The following NOX4 variants were observed in gnomAD, a reference collection of about 807,000 sequenced individuals.
NOX4 encodes NADPH oxidase 4, also known as kidney oxidase-1.
Under a neutral mutation model 87.6 loss-of-function variants are expected in NOX4, and 69 were observed. That is an observed-to-expected ratio of 0.79 (90% CI 0.65 to 0.96). The LOEUF (loss-of-function observed/expected upper bound fraction) is 0.96, where lower values mean the gene tolerates loss of function less well. NOX4 is among the 40% of genes least tolerant of loss of function. The pLI is 0.00. For missense variants in NOX4, 680 were observed against 681.5 expected, an observed-to-expected ratio of 1.00 and a Z score of 0.02; for synonymous variants, 275 against 238.2, an observed-to-expected ratio of 1.15 and a Z score of -1.42.
the NOX4 span, among the ~76,000 whole-genome samples, chr11:89,560,537 C>A: frequency 6.6e-6 from 1 of 152,074 alleles, no homozygotes; most frequent in East Asian, 1.9e-4. Flanking sequence ...TGAGGTATGT[C>A]TGTGAGGGTG....
chr11:89,429,607 T>C (rs1049803801), intron 7 of NOX4, among the ~76,000 whole-genome samples: 6 of 152,148 alleles, frequency 3.9e-5, no homozygotes, highest in African/African-American at 9.7e-5. Context: ...CTAGAAAATC[T>C]AGAAGAAATG....
chr11:89,349,678 G>A (rs956418605), intron 13 of NOX4, among the ~76,000 whole-genome samples: 1 of 152,166 alleles, frequency 6.6e-6, no homozygotes, highest in Non-Finnish European at 1.5e-5. Flanking sequence ...AAACAGTTCC[G>A]ATATTAGGAA....
chr11:89,512,786 A>G, the NOX4 span, among the ~76,000 whole-genome samples: 14 of 152,154 alleles, frequency 9.2e-5, no homozygotes, highest in East Asian at 1.9e-3. Flanking sequence ...TTTGCCATAC[A>G]CTTCTAAAAC....
At chr11:89,508,947 T>G in the NOX4 span, among the ~76,000 whole-genome samples, 1 of 152,200 alleles carries the variant, frequency 6.6e-6, no homozygotes, top group South Asian at 2.1e-4. Flanking sequence ...ACAGAGATTT[T>G]TTTTAAAAAT....
chr11:89,515,041 T>A, the NOX4 span, among the ~76,000 whole-genome samples: 2 of 152,046 alleles, frequency 1.3e-5, no homozygotes, highest in Non-Finnish European at 2.9e-5. Context: ...GCTTCTAAGT[T>A]TTGGCTAGAA....
At chr11:89,354,744 C>T (rs1471115454) in intron 13 of NOX4, among the ~76,000 whole-genome samples, 2 of 152,148 alleles carry the variant, frequency 1.3e-5, no homozygotes, top group African/African-American at 4.8e-5. Context: ...GCTCCTCAGT[C>T]AAAGCTGGGT....
At chr11:89,343,393 T>C (rs1290312714) in intron 13 of NOX4, among the ~76,000 whole-genome samples, 2 of 151,976 alleles carry the variant, frequency 1.3e-5, no homozygotes, top group Non-Finnish European at 2.9e-5. Flanking sequence ...CTAAGTCCAG[T>C]ATGAGCTGGG....
intron 17 of NOX4, among the ~76,000 whole-genome samples, chr11:89,334,889 T>C (rs963286335): frequency 6.6e-6 from 1 of 151,540 alleles, no homozygotes; most frequent in Non-Finnish European, 1.5e-5. Context: ...TTTAATAAAA[T>C]TATATGGGTT....
the NOX4 span, among the ~76,000 whole-genome samples, chr11:89,535,918 T>C: frequency 1.3e-5 from 2 of 152,112 alleles, no homozygotes; most frequent in African/African-American, 4.8e-5. Context: ...TTTCCAAAGA[T>C]AGAAGCACTG....
the NOX4 span, among the ~76,000 whole-genome samples, chr11:89,551,332 T>G: frequency 6.6e-6 from 1 of 152,236 alleles, no homozygotes; most frequent in East Asian, 1.9e-4. Context: ...TTTCTCATTC[T>G]GTGAAGAAAG....
the NOX4 span, among the ~76,000 whole-genome samples, chr11:89,537,438 T>G: frequency 1.3e-5 from 2 of 151,718 alleles, no homozygotes; most frequent in Non-Finnish European, 1.5e-5. Flanking sequence ...TGTATAGTTA[T>G]ACATAAGTAT....
At chr11:89,527,328 C>A in the NOX4 span, among the ~76,000 whole-genome samples, 2 of 152,136 alleles carry the variant, frequency 1.3e-5, no homozygotes, top group African/African-American at 4.8e-5. Context: ...TGCCACCTAG[C>A]AATGCAATAG....
the NOX4 span, chr11:89,545,599 C>A: frequency 1.1e-4 from 17 of 151,684 alleles, no homozygotes; most frequent in East Asian, 3.1e-3. Flanking sequence ...CAATACATCA[C>A]CAGAATTACA....
chr11:89,438,054 C>T (rs895168082), intron 6 of NOX4, among the ~76,000 whole-genome samples: 2 of 151,434 alleles, frequency 1.3e-5, no homozygotes, highest in Non-Finnish European at 2.9e-5. Flanking sequence ...CCCAGACACA[C>T]ACTAAGGTAG....
At chr11:89,356,116 T>A (rs984138669) in intron 12 of NOX4, among the ~76,000 whole-genome samples, 2 of 152,092 alleles carry the variant, frequency 1.3e-5, no homozygotes, top group Non-Finnish European at 2.9e-5. Context: ...TATTTAAGTA[T>A]GATATATATG....
At chr11:89,390,318 T>C (rs1203823462) in intron 11 of NOX4, among the ~76,000 whole-genome samples, 1 of 152,182 alleles carries the variant, frequency 6.6e-6, no homozygotes, top group Non-Finnish European at 1.5e-5. Context: ...ATAGTACAAA[T>C]GAGCGAGCTT....
intron 2 of NOX4, among the ~76,000 whole-genome samples, chr11:89,460,700 A>G (rs1945421547): frequency 6.6e-6 from 1 of 152,152 alleles, no homozygotes; most frequent in Non-Finnish European, 1.5e-5. Flanking sequence ...ACACTTTTAC[A>G]CTGTTGGTGG....
the NOX4 span, among the ~76,000 whole-genome samples, chr11:89,508,057 A>C: frequency 4.1e-4 from 62 of 152,194 alleles, no homozygotes; most frequent in Non-Finnish European, 7.8e-4. Context: ...AACCAGGAAG[A>C]TCAAATAAAT....
At position 89,333,866 on chromosome 11, in the gene NOX4, G is replaced by A. The variant is rs575259972; in HGVS notation, c.1616+1979C>T. ...ACCTGCCTGAGAACCAATACACAAA[G>A]TCAAAGTGTTGTACAAAATGTCAAC... On this transcript the variant is annotated intron_variant, in intron 17 of 17. Transcript: ENST00000263317. Among the ~76,000 whole-genome samples the A allele has an allele frequency of 4.0e-5, 6 of 151,852 alleles. No individual in the cohort carries two copies. The East Asian group carries it at 1.2e-3, about 29-fold the overall frequency.
Sources: allele counts gnomAD v4.1 joint callset (sites outside exome capture counted in the v4.1 genomes callset), GRCh38; gene constraint gnomAD v4.1.1; transcripts MANE v1.5; gene names NCBI Gene and HGNC (gene_info 2026-07-23, HGNC 2026-07-21).